Variants in APBB2 observed in about 807,000 individuals in gnomAD.
APBB2 encodes Fe65-like 1.
A neutral mutation model predicts 82.5 loss-of-function variants in APBB2; 38 were observed. The observed-to-expected ratio is 0.46, with a 90% CI of 0.36 to 0.60. APBB2 has a LOEUF of 0.60. Ranked by LOEUF, APBB2 falls within the 20% of genes least tolerant of loss-of-function variation. The pLI, the probability that APBB2 is intolerant of heterozygous loss-of-function variation, is 0.00. For synonymous variants in APBB2, 341 were observed against 368.2 expected (o/e 0.93, Z 0.85); for missense variants, 772 against 972.3 (o/e 0.79, Z 2.74).
chr4:40,880,287 C>T (rs530658042), intron 12 of APBB2: 2 of 985,398 alleles, frequency 2.0e-6, no homozygotes, highest in Admixed American at 1.2e-4. Flanking sequence ...CTGATGTTCT[C>T]AAATTCTTCT....
At chr4:40,944,656 C>T (rs1027925119) in intron 7 of APBB2, among the ~76,000 whole-genome samples, 1 of 152,024 alleles carries the variant, frequency 6.6e-6, no homozygotes, top group African/African-American at 2.4e-5. Flanking sequence ...TTTCAAGAGA[C>T]CAAAAGCCAT....
chr4:41,052,542 A>G (rs751533559), intron 4 of APBB2, among the ~76,000 whole-genome samples: 4 of 152,202 alleles, frequency 2.6e-5, no homozygotes, highest in Non-Finnish European at 4.4e-5. Context: ...AGATACTGCC[A>G]TCGTGAATTC....
intron 12 of APBB2, chr4:40,880,565 G>T (rs1768186007): frequency 3.0e-6 from 3 of 985,428 alleles, no homozygotes; most frequent in Non-Finnish European, 2.4e-6. Flanking sequence ...TACATGGGTT[G>T]TTAGGCTATT....
intron 1 of APBB2, among the ~76,000 whole-genome samples, chr4:41,157,599 C>G (rs1047963158): frequency 6.6e-6 from 1 of 152,228 alleles, no homozygotes; most frequent in African/African-American, 2.4e-5. Flanking sequence ...ATGGATCTTC[C>G]TGAAATCCAG....
rs531371375 is a variant in APBB2 at position 41,208,318 on chromosome 4, G to A, written c.-417+6087C>T. 3.3e-5 allele frequency among the ~76,000 whole-genome samples: 5 copies of A among 152,252 alleles called. No homozygotes were observed. In the South Asian group the frequency reaches 8.3e-4, roughly 25 times the overall value. On this transcript the variant is annotated intron_variant, in intron 1 of 17. Coordinates refer to ENST00000508593, the MANE Select transcript of APBB2 (RefSeq NM_004307.2). ...GCCCTTTCACCCAGGCTGGAGTGCA[G>A]TGGCGCGGTCTCAGCTCACAGCAAC... is the stretch of plus-strand genomic sequence containing the variant.
intron 12 of APBB2, chr4:40,857,249 C>T: frequency 1.1e-6 from 1 of 879,470 alleles, no homozygotes; most frequent in Non-Finnish European, 1.4e-6. Flanking sequence ...CCCCGCCCCA[C>T]CCGGCCGCAC....
At chr4:40,846,907 C>T (rs1185738445) in intron 12 of APBB2, among the ~76,000 whole-genome samples, 1 of 151,876 alleles carries the variant, frequency 6.6e-6, no homozygotes, top group Non-Finnish European at 1.5e-5. Flanking sequence ...AATTAACGAG[C>T]TTCAGCTTTC....
intron 6 of APBB2, among the ~76,000 whole-genome samples, chr4:41,005,991 G>A (rs901672271): frequency 1.3e-5 from 2 of 152,106 alleles, no homozygotes; most frequent in African/African-American, 4.8e-5. Flanking sequence ...CTGCTGTCTT[G>A]TGCTCATTAA....
chr4:41,182,827 T>C (rs1232835002), intron 1 of APBB2, among the ~76,000 whole-genome samples: 2 of 152,082 alleles, frequency 1.3e-5, no homozygotes, highest in African/African-American at 4.8e-5. Context: ...TGACTACCAT[T>C]AGAACAGCAT....
intron 3 of APBB2, among the ~76,000 whole-genome samples, chr4:41,087,752 C>T (rs893363777): frequency 2.6e-5 from 4 of 152,192 alleles, no homozygotes; most frequent in African/African-American, 4.8e-5. Flanking sequence ...TTAAACAAAG[C>T]GGTATCATCA....
intron 2 of APBB2, among the ~76,000 whole-genome samples, chr4:41,105,148 A>C (rs1560763807): frequency 1.3e-5 from 2 of 152,258 alleles, no homozygotes; most frequent in Non-Finnish European, 2.9e-5. Context: ...ATTATAAAGC[A>C]GTTAACATTC....
chr4:41,015,481 C>T (rs1469514822), intron 5 of APBB2, among the ~76,000 whole-genome samples: 1 of 152,186 alleles, frequency 6.6e-6, no homozygotes, highest in Non-Finnish European at 1.5e-5. Context: ...ATTCCCTCTT[C>T]CTCCCCCAGG....
At chr4:41,213,187 G>T (rs1250301544) in intron 1 of APBB2, among the ~76,000 whole-genome samples, 1 of 151,610 alleles carries the variant, frequency 6.6e-6, no homozygotes, top group Non-Finnish European at 1.5e-5. Context: ...TAAAACAAAT[G>T]ATAAACCCAT....
chr4:41,193,899 G>A, intron 1 of APBB2: 1 of 152,200 alleles, frequency 6.6e-6, no homozygotes, highest in South Asian at 2.1e-4. Flanking sequence ...ATCTAGAACA[G>A]TGTTCGCATT....
chr4:40,992,362 G>C (rs1034563346), intron 6 of APBB2, among the ~76,000 whole-genome samples: 1 of 4,164 alleles, frequency 2.4e-4, no homozygotes, highest in African/African-American at 3.2e-4. Flanking sequence ...TGGTAGAGAT[G>C]GGGGGGGGTC....
chr4:41,099,076 G>A (rs759299625), intron 3 of APBB2, among the ~76,000 whole-genome samples: 1 of 150,882 alleles, frequency 6.6e-6, no homozygotes, highest in Non-Finnish European at 1.5e-5. Flanking sequence ...ATATTTCACT[G>A]TAACAAAAAA....
At chr4:41,121,268 C>T (rs530854023) in intron 2 of APBB2, among the ~76,000 whole-genome samples, 9 of 152,204 alleles carry the variant, frequency 5.9e-5, no homozygotes, top group South Asian at 2.1e-4. Context: ...CAGTAACATA[C>T]GTGCTTTGAA....
chr4:41,067,430 G>C (rs1560662984), intron 3 of APBB2, among the ~76,000 whole-genome samples: 1 of 151,694 alleles, frequency 6.6e-6, no homozygotes, highest in Non-Finnish European at 1.5e-5. Flanking sequence ...AAAAAAGAGA[G>C]AGAAATTGAA....
intron 10 of APBB2, among the ~76,000 whole-genome samples, chr4:40,898,326 T>C (rs758131729): frequency 1.3e-5 from 2 of 152,184 alleles, no homozygotes; most frequent in Non-Finnish European, 2.9e-5. Flanking sequence ...TGCAGTGGCG[T>C]GGCGTCAGCT....
Sources: allele counts gnomAD v4.1 joint callset (sites outside exome capture counted in the v4.1 genomes callset), GRCh38; gene constraint gnomAD v4.1.1; transcripts MANE v1.5; gene names NCBI Gene and HGNC (gene_info 2026-07-23, HGNC 2026-07-21).